Variants in NPAS3 observed in about 807,000 individuals in gnomAD.
NPAS3 encodes the protein neuronal PAS domain-containing protein 3.
A neutral mutation model predicts 73.1 loss-of-function variants in NPAS3; 14 were observed. That is an observed-to-expected ratio of 0.19 (90% CI 0.13 to 0.30). The LOEUF (loss-of-function observed/expected upper bound fraction) is 0.30. NPAS3 is among the 10% of genes least tolerant of loss of function. NPAS3 has a pLI of 1.00. For missense variants in NPAS3, 1,096 were observed against 1,250.0 expected (o/e 0.88, Z 1.86); for synonymous variants, 620 against 541.5 (o/e 1.14, Z -2.01).
At chr14:33,434,910 G>A (rs1190949514) in intron 4 of NPAS3, among the ~76,000 whole-genome samples, 1 of 152,090 alleles carries the variant, frequency 6.6e-6, no homozygotes. Flanking sequence ...AGAGCTATAG[G>A]GCCAAAGAGT....
At chr14:33,663,157 A>G (rs1282675710) in intron 5 of NPAS3, among the ~76,000 whole-genome samples, 2 of 152,120 alleles carry the variant, frequency 1.3e-5, no homozygotes, top group African/African-American at 2.4e-5. Flanking sequence ...CCAGTTTTCA[A>G]AGGGAATGCT....
chr14:33,581,447 A>G (rs550411118), intron 5 of NPAS3, among the ~76,000 whole-genome samples: 1 of 152,198 alleles, frequency 6.6e-6, no homozygotes, highest in African/African-American at 2.4e-5. Flanking sequence ...CCTCCATTCA[A>G]AAAGATATAT....
chr14:33,004,502 A>C (rs10146666), intron 1 of NPAS3, among the ~76,000 whole-genome samples: 92,766 of 151,922 alleles, frequency 0.61, 29,062 homozygotes, highest in Non-Finnish European at 0.69. Flanking sequence ...AGCTTGCAGG[A>C]CTAGAAGTTG....
At chr14:33,637,676 C>T (rs2058559920) in intron 5 of NPAS3, among the ~76,000 whole-genome samples, 1 of 152,172 alleles carries the variant, frequency 6.6e-6, no homozygotes, top group Non-Finnish European at 1.5e-5. Context: ...CAACAAATGA[C>T]TTACCTTTTT....
At chr14:33,676,363 T>G in exon 6 of NPAS3, 1 of 1,587,386 alleles carries the variant, frequency 6.3e-7, no homozygotes, top group Non-Finnish European at 8.5e-7. Flanking sequence ...CTTCCTCCTC[T>G]CAGTCGGAGA....
upstream of NPAS3, chr14:32,935,087 T>C (rs2035654871): frequency 1.2e-5 from 9 of 749,784 alleles, no homozygotes; most frequent in Non-Finnish European, 1.4e-5. Flanking sequence ...TTTTGTGTCT[T>C]ACAACACACA....
intron 1 of NPAS3, among the ~76,000 whole-genome samples, chr14:32,950,332 T>A (rs1484573961): frequency 6.6e-6 from 1 of 152,096 alleles, no homozygotes; most frequent in African/African-American, 2.4e-5. Context: ...TTCAAAGCCC[T>A]GAATTACAAA....
chr14:33,135,959 AG>A (rs1309276543), intron 2 of NPAS3, among the ~76,000 whole-genome samples: 1 of 152,024 alleles, frequency 6.6e-6, no homozygotes, highest in Non-Finnish European at 1.5e-5. Flanking sequence ...TGGACACAAT[AG>A]GTTGTCTTAT....
At position 33,002,972 on chromosome 14, in the gene NPAS3, T is replaced by G. The variant is rs115013058; in HGVS notation, c.51-52933T>G. On this transcript the variant is annotated intron_variant, in intron 1 of 11. Transcript: ENST00000356141. ...TTGTGTGAGTTAGGCTAGAGCATCT[T>G]CATGGGGCAGATCATTGAGAGTCTC... Among the ~76,000 whole-genome samples, 835 of 152,274 alleles carry G rather than the reference T, an allele frequency of 5.5e-3. 12 individuals are homozygous for G. The highest frequency in any genetic ancestry group is 0.018 in the African/African-American group (760 of 41,552).
At chr14:33,328,707 T>C (rs1333252201) in intron 3 of NPAS3, among the ~76,000 whole-genome samples, 1 of 152,032 alleles carries the variant, frequency 6.6e-6, no homozygotes, top group African/African-American at 2.4e-5. Context: ...TCCTCCCGCT[T>C]TGGCCTCCCA....
At chr14:33,029,966 A>G (rs2039933864) in intron 1 of NPAS3, among the ~76,000 whole-genome samples, 2 of 152,220 alleles carry the variant, frequency 1.3e-5, no homozygotes, top group African/African-American at 2.4e-5. Flanking sequence ...GACTTCCCCA[A>G]TTAAACTGTT....
At chr14:33,147,733 A>ATATG (rs2044293597) in intron 2 of NPAS3, among the ~76,000 whole-genome samples, 1 of 135,170 alleles carries the variant, frequency 7.4e-6, no homozygotes, top group African/African-American at 2.7e-5. Flanking sequence ...AATAAAAAAT[A>ATATG]TATATATATA....
chr14:33,010,166 T>C (rs1172613896), intron 1 of NPAS3, among the ~76,000 whole-genome samples: 1 of 152,238 alleles, frequency 6.6e-6, no homozygotes, highest in African/African-American at 2.4e-5. Context: ...CAACATTTAT[T>C]CTACTGGCTA....
intron 3 of NPAS3, among the ~76,000 whole-genome samples, chr14:33,237,610 C>A (rs1017710395): frequency 6.6e-6 from 1 of 151,992 alleles, no homozygotes; most frequent in African/African-American, 2.4e-5. Flanking sequence ...AAATTGCTTT[C>A]GGCTTCAGAG....
At chr14:33,201,616 A>T (rs369526621) in intron 2 of NPAS3, among the ~76,000 whole-genome samples, 79 of 152,358 alleles carry the variant, frequency 5.2e-4, no homozygotes, top group African/African-American at 1.2e-3. Flanking sequence ...ACAGGCAGGC[A>T]ACAGGATATC....
At chr14:33,715,184 A>T (rs1338810485) in intron 6 of NPAS3, among the ~76,000 whole-genome samples, 1 of 151,962 alleles carries the variant, frequency 6.6e-6, no homozygotes. Flanking sequence ...TGCATTAGTC[A>T]CCCTGGAACA....
intron 5 of NPAS3, among the ~76,000 whole-genome samples, chr14:33,659,984 G>T (rs1036760285): frequency 2.0e-5 from 3 of 152,114 alleles, no homozygotes; most frequent in African/African-American, 7.2e-5. Context: ...CGCCCCCCAG[G>T]ACCACTCTCC....
chr14:32,988,278 T>C (rs1370546421), intron 1 of NPAS3, among the ~76,000 whole-genome samples: 1 of 152,172 alleles, frequency 6.6e-6, no homozygotes, highest in African/African-American at 2.4e-5. Flanking sequence ...CCTCTAAGAC[T>C]GTGTTTTTTG....
At chr14:33,396,698 T>A (rs1267610625) in intron 4 of NPAS3, among the ~76,000 whole-genome samples, 1 of 152,176 alleles carries the variant, frequency 6.6e-6, no homozygotes, top group Admixed American at 6.6e-5. Flanking sequence ...TCCTTTGGAA[T>A]TTTTATGTTG....
Sources: gnomAD v4.1 joint callset for allele counts (sites outside exome capture counted in the v4.1 genomes callset) on GRCh38, gnomAD v4.1.1 for gene constraint, MANE v1.5 for transcripts, NCBI Gene and HGNC (gene_info 2026-07-23, HGNC 2026-07-21) for gene names.